The following CASTOR2 variants were observed in gnomAD, a reference collection of about 807,000 sequenced individuals.
CASTOR2 encodes cytosolic arginine sensor for mTORC1 subunit 2, also known as GATS protein like 2.
CASTOR2 carries 8 observed loss-of-function variants against 31.2 expected under a neutral mutation model. The observed-to-expected ratio is 0.26, with a 90% CI of 0.15 to 0.46. The LOEUF is 0.46. CASTOR2 is among the 20% of genes least tolerant of loss of function. The pLI is 0.99. For synonymous variants in CASTOR2, 162 were observed against 158.7 expected (o/e 1.02, Z -0.16); for missense variants, 216 against 382.1 (o/e 0.57, Z 3.62).
At chr7:75,003,666 C>T (rs1395613783) in intron 1 of CASTOR2, among the ~76,000 whole-genome samples, 2 of 151,798 alleles carry the variant, frequency 1.3e-5, no homozygotes, top group Non-Finnish European at 2.9e-5. Flanking sequence ...AGGAGAATGG[C>T]GTGAACCCAG....
At position 75,018,046 on chromosome 7, in the gene CASTOR2, C is replaced by T. The variant is rs1215327352; in HGVS notation, c.435C>T (p.Ile145=). 4.3e-6 allele frequency: 7 copies of T among 1,614,106 alleles called. No homozygotes were observed. The highest frequency in any genetic ancestry group is 3.4e-6 in the Non-Finnish European group (4 of 1,180,044). ...VTHTLSSEFT[I]LRVVNGETVA... ...ACACATTGTCATCAGAGTTCACCAT[C>T]CTGCGGGTCGTCAATGGCGAGACCG... The change falls in exon 4 of 9, where the codon ATC becomes ATT. Residue 145 remains isoleucine, a synonymous_variant. Coordinates refer to ENST00000616305, the MANE Select transcript of CASTOR2 (RefSeq NM_001145064.3).
Position 75,027,652 on chromosome 7 carries a change from G to A in CASTOR2, c.*2953G>A, listed in dbSNP as rs1317078483. On this transcript the variant is annotated 3_prime_UTR_variant, in exon 9 of 9. Coordinates refer to ENST00000616305, the MANE Select transcript of CASTOR2 (RefSeq NM_001145064.3). ...GGCCAGGGTATGGCTCTCCGCCCTGGCTGGCTCTGCAGGGGTGGTCCCTGT... is the reference window on the plus strand; with the variant it reads ...GGCCAGGGTATGGCTCTCCGCCCTGACTGGCTCTGCAGGGGTGGTCCCTGT... The A allele has an allele frequency of 1.1e-5, 3 of 280,386 alleles. No homozygotes were observed. Among genetic ancestry groups the A allele is most frequent in the East Asian group, 1.1e-4 (1 of 8,970 alleles). 17.4% of individuals were successfully genotyped at this position (280,386 alleles called of 1,614,324 possible).
At chr7:74,982,612 C>T (rs1364620583) in intron 1 of CASTOR2, among the ~76,000 whole-genome samples, 2 of 111,752 alleles carry the variant, frequency 1.8e-5, no homozygotes, top group African/African-American at 7.2e-5. Flanking sequence ...CTGAGGCAGG[C>T]GGATCACAAA....
intron 2 of CASTOR2, among the ~76,000 whole-genome samples, chr7:75,013,742 G>A (rs1323917684): frequency 3.3e-5 from 5 of 152,040 alleles, no homozygotes; most frequent in African/African-American, 1.2e-4. Context: ...TTTTACGTGT[G>A]TGTGTGACTG....
intron 1 of CASTOR2, among the ~76,000 whole-genome samples, chr7:75,000,666 GTT>G (rs1199942155): frequency 6.6e-6 from 1 of 151,930 alleles, no homozygotes; most frequent in Non-Finnish European, 1.5e-5. Context: ...TTGTTTGTTT[GTT>G]TGTTTTTGAG....
intron 1 of CASTOR2, among the ~76,000 whole-genome samples, chr7:74,977,076 G>A (rs1210785044): frequency 1.3e-5 from 2 of 150,458 alleles, no homozygotes; most frequent in Non-Finnish European, 3.0e-5. Context: ...CCCAGCTACT[G>A]GGGAGGCTGA....
intron 2 of CASTOR2, among the ~76,000 whole-genome samples, chr7:75,009,526 C>T (rs1554439130): frequency 2.0e-4 from 31 of 152,178 alleles, no homozygotes; most frequent in Admixed American, 1.4e-3. Flanking sequence ...CCTCGGCCTC[C>T]CAAAATGCTG....
rs1327130716 is a variant in CASTOR2 at position 75,010,485 on chromosome 7, G to A, written c.184+2421G>A. Among the ~76,000 whole-genome samples the A allele has an allele frequency of 2.0e-5, 3 of 152,216 alleles. No individual in the cohort carries two copies. In the South Asian group the frequency reaches 6.2e-4, roughly 32 times the overall value. ...TGAAGTAGGAAATTCCTGGGGGTGA[G>A]TAAGCTCTCTTCAAATAGAGGTCCT... is the stretch of plus-strand genomic sequence containing the variant. On this transcript the variant is annotated intron_variant, in intron 2 of 8. Transcript: ENST00000616305.
chr7:75,001,410 C>A (rs1194180881), intron 1 of CASTOR2, among the ~76,000 whole-genome samples: 1 of 152,264 alleles, frequency 6.6e-6, no homozygotes, highest in South Asian at 2.1e-4. Flanking sequence ...GCACTTAGCA[C>A]CCACACTGGG....
Position 75,031,293 on chromosome 7 carries a change from G to A in CASTOR2, c.*6594G>A, listed in dbSNP as rs1805296812. 6.6e-6 allele frequency among the ~76,000 whole-genome samples: 1 copy of A among 152,094 alleles called. No homozygotes were observed. The highest frequency in any genetic ancestry group is 1.5e-5 in the Non-Finnish European group (1 of 68,004). ...CCTCCAACCCTCACCTGGCGTGCCC[G>A]GGTCACCAGCAGCAGCAGCGGCGTT... On this transcript the variant is annotated 3_prime_UTR_variant, in exon 9 of 9. Transcript: ENST00000616305.
At chr7:75,023,834 C>T (rs1199086588) in intron 7 of CASTOR2, among the ~76,000 whole-genome samples, 2 of 152,140 alleles carry the variant, frequency 1.3e-5, no homozygotes, top group Admixed American at 1.3e-4. Context: ...ATGAGGAATC[C>T]ACCCTCATAA....
intron 1 of CASTOR2, among the ~76,000 whole-genome samples, chr7:75,001,041 C>A (rs1804482592): frequency 5.9e-5 from 9 of 152,074 alleles, no homozygotes. Flanking sequence ...CTGGCTGACA[C>A]AGGGCATGGT....
At chr7:75,023,075 G>A (rs1015699273) in intron 7 of CASTOR2, among the ~76,000 whole-genome samples, 2 of 152,178 alleles carry the variant, frequency 1.3e-5, no homozygotes, top group Non-Finnish European at 2.9e-5. Flanking sequence ...TTGGGAGGCC[G>A]AGGCAGGAGG....
chr7:75,017,107 G>A (rs1192385234), intron 2 of CASTOR2, among the ~76,000 whole-genome samples: 1 of 152,120 alleles, frequency 6.6e-6, no homozygotes, highest in Admixed American at 6.6e-5. Context: ...AGCCGAGATC[G>A]CGCCACTGCA....
intron 1 of CASTOR2, among the ~76,000 whole-genome samples, chr7:74,976,047 A>G (rs1351215479): frequency 7.0e-6 from 1 of 142,944 alleles, no homozygotes; most frequent in Non-Finnish European, 1.5e-5. Context: ...TTGAACTGCC[A>G]AGTTCAGCCA....
intron 1 of CASTOR2, among the ~76,000 whole-genome samples, chr7:75,004,795 C>T (rs1455963375): frequency 6.6e-6 from 1 of 151,788 alleles, no homozygotes; most frequent in African/African-American, 2.4e-5. Context: ...TTACATACAG[C>T]GTAATTCACA....
At chr7:74,996,841 G>A (rs1804364133) in intron 1 of CASTOR2, among the ~76,000 whole-genome samples, 2 of 138,360 alleles carry the variant, frequency 1.4e-5, no homozygotes, top group Non-Finnish European at 3.0e-5. Context: ...CAATTCTTCC[G>A]CCTCAGCCTC....
At chr7:75,018,835 G>T (rs1415242004) in intron 4 of CASTOR2, 137 bp from the exon 5 acceptor site, 26 of 1,392,346 alleles carry the variant, frequency 1.9e-5, no homozygotes, top group Non-Finnish European at 1.5e-5. Context: ...GGTGGTAGAG[G>T]CTGGAGAAGC....
chr7:74,995,660 T>A (rs1224484895), intron 1 of CASTOR2, among the ~76,000 whole-genome samples: 1 of 151,726 alleles, frequency 6.6e-6, no homozygotes, highest in Non-Finnish European at 1.5e-5. Context: ...ACAAAAAATT[T>A]AGCCAGGTGT....
Sources: allele counts gnomAD v4.1 joint callset (sites outside exome capture counted in the v4.1 genomes callset), GRCh38; gene constraint gnomAD v4.1.1; transcripts MANE v1.5; gene names NCBI Gene and HGNC (gene_info 2026-07-23, HGNC 2026-07-21).